Variants in RASGRF1 observed in about 807,000 individuals in gnomAD.
RASGRF1 encodes the protein ras-specific guanine nucleotide-releasing factor 1.
In RASGRF1, 40 loss-of-function variants were observed where a neutral mutation model predicts 138.7. That is an observed-to-expected ratio of 0.29 (90% CI 0.22 to 0.38). The LOEUF is 0.38. Ranked by LOEUF, RASGRF1 falls within the 10% of genes least tolerant of loss-of-function variation. RASGRF1 has a pLI of 1.00. For synonymous variants in RASGRF1, 614 were observed against 663.2 expected, an observed-to-expected ratio of 0.93 and a Z score of 1.14; for missense variants, 1,108 against 1,650.4, an observed-to-expected ratio of 0.67 and a Z score of 5.69.
intron 10 of RASGRF1, 38 bp from the exon 11 acceptor site, chr15:79,020,142 G>A (rs1340943785): frequency 1.9e-6 from 3 of 1,600,312 alleles, no homozygotes; most frequent in South Asian, 1.1e-5. Flanking sequence ...GGATTGAGGG[G>A]TAGATATGCT....
chr15:79,086,480 C>G, intron 1 of RASGRF1, among the ~76,000 whole-genome samples: 1 of 152,060 alleles, frequency 6.6e-6, no homozygotes, highest in Non-Finnish European at 1.5e-5. Context: ...TCTGCCAGGC[C>G]AACCAGTAAT....
At position 79,090,634 on chromosome 15, in the gene RASGRF1, T is replaced by G; in HGVS notation, c.-136A>C. 1 of 1,236,974 alleles carries G rather than the reference T, an allele frequency of 8.1e-7. No individual in the cohort carries two copies. The highest frequency in any genetic ancestry group is 1.1e-6 in the Non-Finnish European group (1 of 892,306). 76.6% of individuals were successfully genotyped at this position (1,236,974 alleles called of 1,614,324 possible). ...TCTAGCTCTCCCCTCCCCCCAAATA[T>G]CTACACTCCAGGATCTGGCGCCGAG... On this transcript the variant is annotated 5_prime_UTR_variant, in exon 1 of 27. Coordinates refer to ENST00000558480, the MANE Select transcript of RASGRF1 (RefSeq NM_001145648.3).
At chr15:79,031,635 A>AG in intron 7 of RASGRF1, 126 bp from the exon 8 acceptor site, 1 of 128,386 alleles carries the variant, frequency 7.8e-6, no homozygotes, top group South Asian at 1.3e-4. Context: ...AGGGAGAGGA[A>AG]GGGAGGGAGG....
chr15:79,031,304 C>T (rs955140469), intron 8 of RASGRF1, 96 bp downstream of exon 8: 23 of 960,966 alleles, frequency 2.4e-5, no homozygotes, highest in African/African-American at 3.2e-5. Context: ...CCCATCTGAA[C>T]TCAAGCTTTG....
At chr15:79,075,615 A>G (rs1022023744) in intron 1 of RASGRF1, among the ~76,000 whole-genome samples, 2 of 152,214 alleles carry the variant, frequency 1.3e-5, no homozygotes, top group African/African-American at 4.8e-5. Context: ...CACTGAACAC[A>G]GAACATTGGA....
intron 3 of RASGRF1, among the ~76,000 whole-genome samples, chr15:79,051,915 AAGGGCTCATGG>A (rs905272043): frequency 1.3e-4 from 20 of 152,142 alleles, no homozygotes; most frequent in African/African-American, 4.3e-4. Flanking sequence ...CCCAGGCCTA[AAGGGCTCATGG>A]AGGGCTCATG....
chr15:79,058,461 T>C lies in RASGRF1; in HGVS notation c.404A>G (p.Glu135Gly). Residue 135 changes from glutamate (E) to glycine (G), a missense_variant, in exon 3 of 27, where the codon GAG becomes GGG. Physicochemically the swap from Glu to Gly is moderately conservative, Grantham distance 98. Coordinates refer to ENST00000558480, the MANE Select transcript of RASGRF1 (RefSeq NM_001145648.3). The part of the protein sequence containing the change: ...AHASYRTLAT[E>G]HEALMQKYLH... The stretch of plus-strand genomic sequence containing the variant: ...GTATTTCTGCATTAATGCCTCATGC[T>C]CTGTGGCGAGGGTCCTGTAGCTGTG... The C allele has an allele frequency of 6.2e-7, 1 of 1,614,204 alleles. No individual in the cohort carries two copies. The highest frequency in any genetic ancestry group is 8.5e-7 in the Non-Finnish European group (1 of 1,180,034).
In RASGRF1 at chr15:79,004,057, T is replaced by C; in HGVS notation, c.2194A>G (p.Thr732Ala). 6.2e-7 allele frequency: 1 copy of C among 1,613,902 alleles called. No homozygotes were observed. The highest frequency in any genetic ancestry group is 8.5e-7 in the Non-Finnish European group (1 of 1,179,970). Reference protein sequence around the residue: ...SSPPPLSITKTSSPSRRRKLS... With the variant: ...SSPPPLSITKASSPSRRRKLS... Reference sequence around the variant, plus strand: ...TTCCGCCGGCGGCTCGGTGACGATGTCTTGGTGATGGACAGAGGTGGCGGC... The same window carrying C: ...TTCCGCCGGCGGCTCGGTGACGATGCCTTGGTGATGGACAGAGGTGGCGGC... The change falls in exon 15 of 27, where the codon ACA (threonine) becomes GCA (alanine). Residue 732 changes from threonine to alanine, a missense_variant. Thr to Ala is a moderately conservative substitution (Grantham distance 58, BLOSUM62 0). Coordinates refer to ENST00000558480, the MANE Select transcript of RASGRF1 (RefSeq NM_001145648.3).
intron 3 of RASGRF1, 24 bp from the exon 4 acceptor site, chr15:79,049,612 CTG>C: frequency 6.3e-7 from 1 of 1,599,138 alleles, no homozygotes; most frequent in Non-Finnish European, 8.5e-7. Context: ...ACAGGTCAGC[CTG>C]TGAGGGGCGC....
At chr15:79,015,110 T>A (rs539598660) in intron 13 of RASGRF1, among the ~76,000 whole-genome samples, 84 of 147,176 alleles carry the variant, frequency 5.7e-4, no homozygotes, top group East Asian at 1.2e-3. Context: ...ATAAAAAATT[T>A]AAAAAAAAAA....
intron 1 of RASGRF1, among the ~76,000 whole-genome samples, chr15:79,077,386 C>T (rs998940528): frequency 6.6e-6 from 1 of 152,200 alleles, no homozygotes; most frequent in Non-Finnish European, 1.5e-5. Context: ...GTGGGAGCTC[C>T]TCGTTCATGA....
Position 78,980,607 on chromosome 15 carries a change from G to GAC in RASGRF1, c.3494+11_3494+12dup, listed in dbSNP as rs1567441752. The GAC allele has an allele frequency of 6.3e-7, 1 of 1,582,758 alleles. No individual in the cohort carries two copies. Among genetic ancestry groups the GAC allele is most frequent in the Non-Finnish European group, 8.7e-7 (1 of 1,152,858 alleles). On this transcript the variant is annotated intron_variant, in intron 24 of 26. Transcript: ENST00000558480. ...ATTTTAAAAATAACAGCGACAAAAC[G>GAC]ACACACACTTACTTTTTCAGAGCTT... is the stretch of plus-strand genomic sequence containing the variant.
chr15:78,972,408 CTTTTTTTTTT>C (rs555344686), intron 25 of RASGRF1, among the ~76,000 whole-genome samples: 7 of 142,612 alleles, frequency 4.9e-5, no homozygotes, highest in African/African-American at 1.8e-4. Context: ...TGTTTTTTTT[CTTTTTTTTTT>C]TTTAAACAGA....
In RASGRF1 at chr15:79,006,251, G is replaced by A. The variant is rs368025608; in HGVS notation, c.2010C>T (p.Thr670=). 101 of 1,614,094 alleles carry A rather than the reference G, an allele frequency of 6.3e-5. No homozygotes were observed. Among genetic ancestry groups the A allele is most frequent in the Non-Finnish European group, 7.9e-5 (93 of 1,180,052 alleles). ...TGAGCTTGTCCAGGACCACGATGGC[G>A]GTGGTGAAGACGCGGTAGGAGTGCA... The part of the protein sequence containing the change: ...TFLHSYRVFT[T]AIVVLDKLIT... Residue 670 remains threonine, a synonymous_variant, in exon 14 of 27, where the codon ACC becomes ACT. Coordinates refer to ENST00000558480, the MANE Select transcript of RASGRF1 (RefSeq NM_001145648.3). The surrounding 1 kb of genome is among the most constrained non-coding windows in gnomAD (Gnocchi z 4.0).
At chr15:78,989,505 A>G (rs1413798292) in intron 22 of RASGRF1, among the ~76,000 whole-genome samples, 1 of 151,862 alleles carries the variant, frequency 6.6e-6, no homozygotes, top group Admixed American at 6.6e-5. Context: ...GCCTTCTAAC[A>G]TTAAAGAGAA....
chr15:79,004,841 C>T (rs2056634927), intron 14 of RASGRF1: 1 of 985,218 alleles, frequency 1.0e-6, no homozygotes, highest in Admixed American at 6.1e-5. Flanking sequence ...TAGGATTGAT[C>T]TTTTAACCCT....
chr15:79,090,689 T>A lies in RASGRF1; in HGVS notation c.-191A>T, dbSNP rs2058044994. On this transcript the variant is annotated 5_prime_UTR_variant, in exon 1 of 27. Coordinates refer to ENST00000558480, the MANE Select transcript of RASGRF1 (RefSeq NM_001145648.3). ...GGCTTCTTGAATCCAGATATACCAT[T>A]CCCCGCTGGAACCTCTTCTCCGCTC... 4.1e-6 allele frequency: 3 copies of A among 728,686 alleles called. No individual in the cohort carries two copies. Among genetic ancestry groups the A allele is most frequent in the East Asian group, 5.6e-5 (2 of 35,748 alleles). The allele number at this position is 728,686 out of a possible 1,614,324, so 45.1% of individuals were successfully genotyped here.
At chr15:79,008,222 T>C (rs1398373799) in intron 13 of RASGRF1, among the ~76,000 whole-genome samples, 2 of 152,238 alleles carry the variant, frequency 1.3e-5, no homozygotes, top group Non-Finnish European at 2.9e-5. Flanking sequence ...TAGCATCCCT[T>C]TCACACTGTC....
chr15:79,032,415 G>C lies in RASGRF1; in HGVS notation c.959-99C>G, dbSNP rs1297642940. The C allele has an allele frequency of 2.4e-6, 3 of 1,238,804 alleles. No homozygotes were observed. The highest frequency in any genetic ancestry group is 2.3e-6 in the Non-Finnish European group (2 of 881,186). 76.7% of individuals were successfully genotyped at this position (1,238,804 alleles called of 1,614,324 possible). A position where few individuals can be genotyped will look rare whatever the true frequency, so the allele number is the denominator to read the frequency against. ...CCCAGCTACACCCAGAGAGGCCAGG[G>C]GCCAGGTTCAAGTTCCCCACCCCAG... On this transcript the variant is annotated intron_variant, in intron 6 of 26. Coordinates refer to ENST00000558480, the MANE Select transcript of RASGRF1 (RefSeq NM_001145648.3). The surrounding 1 kb of genome is among the most constrained non-coding windows in gnomAD (Gnocchi z 4.5).
Sources: allele counts gnomAD v4.1 joint callset (sites outside exome capture counted in the v4.1 genomes callset), GRCh38; gene constraint gnomAD v4.1.1; non-coding constraint Gnocchi (gnomAD v3.1); transcripts MANE v1.5; gene names NCBI Gene and HGNC (gene_info 2026-07-23, HGNC 2026-07-21).